CTNND2: variants seen among roughly 807,000 people sequenced by gnomAD.
The protein encoded by CTNND2 is catenin delta-2.
CTNND2 carries 22 observed loss-of-function variants against 144.4 expected under a neutral mutation model. That is an observed-to-expected ratio of 0.15 (90% CI 0.11 to 0.22). The LOEUF (loss-of-function observed/expected upper bound fraction) is 0.22. CTNND2 is among the 10% of genes least tolerant of loss of function. The pLI, the probability that CTNND2 is intolerant of heterozygous loss-of-function variation, is 1.00. For synonymous variants in CTNND2, 751 were observed against 695.6 expected, an observed-to-expected ratio of 1.08 and a Z score of -1.25; for missense variants, 1,353 against 1,618.8, an observed-to-expected ratio of 0.84 and a Z score of 2.82.
chr5:11,654,331 A>G (rs1398878714), intron 2 of CTNND2, among the ~76,000 whole-genome samples: 1 of 152,104 alleles, frequency 6.6e-6, no homozygotes, highest in African/African-American at 2.4e-5. Context: ...GGTAGTGTGG[A>G]CATTTTAACA....
intron 11 of CTNND2, among the ~76,000 whole-genome samples, chr5:11,174,574 TA>T (rs1386582577): frequency 6.6e-6 from 1 of 152,156 alleles, no homozygotes. Flanking sequence ...TGCATATTTG[TA>T]AAAAATACTG....
chr5:11,323,236 G>GA (rs386403024), intron 9 of CTNND2, among the ~76,000 whole-genome samples: 4 of 146,890 alleles, frequency 2.7e-5, no homozygotes, highest in Admixed American at 1.4e-4. Flanking sequence ...GAGATTGGGG[G>GA]GGGGGGTCTC....
chr5:11,885,950 A>C (rs1736494377), intron 1 of CTNND2, among the ~76,000 whole-genome samples: 1 of 152,208 alleles, frequency 6.6e-6, no homozygotes, highest in Non-Finnish European at 1.5e-5. Flanking sequence ...GATTTTAAGA[A>C]GAAAATTTTA....
chr5:11,092,659 C>T (rs1750887143), intron 15 of CTNND2, among the ~76,000 whole-genome samples: 1 of 152,174 alleles, frequency 6.6e-6, no homozygotes, highest in Non-Finnish European at 1.5e-5. Context: ...AGACAGGGTG[C>T]TCTGATCACC....
At chr5:11,443,292 G>A in intron 3 of CTNND2, among the ~76,000 whole-genome samples, 1 of 119,674 alleles carries the variant, frequency 8.4e-6, no homozygotes, top group African/African-American at 3.3e-5. Context: ...CATGTGTGTG[G>A]TGTGTGTGCA....
At chr5:11,357,295 G>A (rs1427496162) in intron 8 of CTNND2, among the ~76,000 whole-genome samples, 1 of 151,988 alleles carries the variant, frequency 6.6e-6, no homozygotes, top group East Asian at 1.9e-4. Context: ...CCAACAATGG[G>A]TGAATGGATA....
intron 16 of CTNND2, among the ~76,000 whole-genome samples, chr5:11,076,030 A>G (rs913538300): frequency 6.6e-6 from 1 of 152,268 alleles, no homozygotes; most frequent in Non-Finnish European, 1.5e-5. Context: ...TGAGCATAGC[A>G]AAGTGCTAGA....
chr5:11,291,144 C>T (rs1055247161), intron 9 of CTNND2, among the ~76,000 whole-genome samples: 1 of 152,160 alleles, frequency 6.6e-6, no homozygotes, highest in Admixed American at 6.6e-5. Flanking sequence ...CGGTCCATAT[C>T]TACCCTGGGG....
At chr5:11,207,381 A>G (rs1265865454) in intron 10 of CTNND2, among the ~76,000 whole-genome samples, 1 of 150,434 alleles carries the variant, frequency 6.6e-6, no homozygotes, top group Non-Finnish European at 1.5e-5. Context: ...AACTTCAAGT[A>G]TTTAAAAAAA....
chr5:11,120,439 C>A (rs1194641153), intron 12 of CTNND2, among the ~76,000 whole-genome samples: 1 of 151,070 alleles, frequency 6.6e-6, no homozygotes, highest in African/African-American at 2.4e-5. Context: ...ATACTGTCTG[C>A]AGGGGTGATG....
chr5:11,503,626 C>T (rs1770738127), intron 3 of CTNND2, among the ~76,000 whole-genome samples: 1 of 152,136 alleles, frequency 6.6e-6, no homozygotes, highest in Non-Finnish European at 1.5e-5. Context: ...ATTACCACTG[C>T]CTAAGGACAG....
chr5:11,820,898 C>T (rs569473448), intron 1 of CTNND2, among the ~76,000 whole-genome samples: 2 of 152,240 alleles, frequency 1.3e-5, no homozygotes, highest in African/African-American at 2.4e-5. Flanking sequence ...AGGATTATCC[C>T]GGTAACAGAA....
intron 9 of CTNND2, among the ~76,000 whole-genome samples, chr5:11,334,122 T>C (rs1753487394): frequency 6.6e-6 from 1 of 152,186 alleles, no homozygotes; most frequent in African/African-American, 2.4e-5. Flanking sequence ...AGCAAACACA[T>C]TCAAAATGGT....
chr5:11,314,660 C>A (rs912449686), intron 9 of CTNND2, among the ~76,000 whole-genome samples: 2 of 152,252 alleles, frequency 1.3e-5, no homozygotes, highest in African/African-American at 2.4e-5. Context: ...GGCCACTGCA[C>A]CTGGCCCAGA....
chr5:11,840,434 T>G (rs894388431), intron 1 of CTNND2, among the ~76,000 whole-genome samples: 1 of 152,232 alleles, frequency 6.6e-6, no homozygotes, highest in African/African-American at 2.4e-5. Context: ...ATCTATGAAC[T>G]GCACCCAGAG....
rs1422521041 is a variant in CTNND2 at position 11,654,053 on chromosome 5, T to C, written c.174+78083A>G. 2.0e-5 allele frequency among the ~76,000 whole-genome samples: 3 copies of C among 152,054 alleles called. No homozygotes were observed. In the East Asian group the frequency reaches 5.8e-4, roughly 29 times the overall value. ...TTGTCAAAGACTAGTTGACCGTATG[T>C]AGGTGAGTTTATTTCTGGGATCTCT... is the stretch of plus-strand genomic sequence containing the variant. On this transcript the variant is annotated intron_variant, in intron 2 of 21. Coordinates refer to ENST00000304623, the MANE Select transcript of CTNND2 (RefSeq NM_001332.4).
chr5:11,791,721 G>A (rs1378020287), intron 1 of CTNND2, among the ~76,000 whole-genome samples: 1 of 152,172 alleles, frequency 6.6e-6, no homozygotes, highest in East Asian at 1.9e-4. Flanking sequence ...GGACATTGAG[G>A]CTCTTTCTTG....
intron 3 of CTNND2, among the ~76,000 whole-genome samples, chr5:11,438,229 A>G (rs780706763): frequency 6.6e-6 from 1 of 152,244 alleles, no homozygotes; most frequent in Admixed American, 6.5e-5. Flanking sequence ...ACAACCACAA[A>G]TGCAGATTCA....
chr5:11,236,965 G>GACCCATTT (rs1741706539), intron 9 of CTNND2, 142 bp from the exon 10 acceptor site: 2 of 793,960 alleles, frequency 2.5e-6, no homozygotes, highest in Non-Finnish European at 4.0e-6. Context: ...CTTACATGCA[G>GACCCATTT]ACCCATTTAA....
Sources: gnomAD v4.1 joint callset for allele counts (sites outside exome capture counted in the v4.1 genomes callset) on GRCh38, gnomAD v4.1.1 for gene constraint, MANE v1.5 for transcripts, NCBI Gene and HGNC (gene_info 2026-07-23, HGNC 2026-07-21) for gene names.